EIF4G3: variants seen among roughly 807,000 people sequenced by gnomAD.
EIF4G3 encodes eukaryotic translation initiation factor 4 gamma 3.
EIF4G3 carries 34 observed loss-of-function variants against 186.4 expected under a neutral mutation model. That is an observed-to-expected ratio of 0.18 (90% CI 0.14 to 0.24). EIF4G3 has a LOEUF of 0.24. Ranked by LOEUF, EIF4G3 falls within the 10% of genes least tolerant of loss-of-function variation. EIF4G3 has a pLI of 1.00. For synonymous variants in EIF4G3, 673 were observed against 679.5 expected (o/e 0.99, Z 0.15); for missense variants, 1,536 against 1,948.5 (o/e 0.79, Z 3.99).
At chr1:20,943,121 T>A (rs1401677275) in intron 13 of EIF4G3, among the ~76,000 whole-genome samples, 1 of 152,020 alleles carries the variant, frequency 6.6e-6, no homozygotes, top group African/African-American at 2.4e-5. Context: ...TACGAATGCA[T>A]CACTGCACTC....
chr1:20,903,023 A>C (rs2090903397), intron 15 of EIF4G3, among the ~76,000 whole-genome samples: 1 of 152,256 alleles, frequency 6.6e-6, no homozygotes, highest in Non-Finnish European at 1.5e-5. Flanking sequence ...GTAACAAGCT[A>C]AAGAAGCTTT....
intron 11 of EIF4G3, 90 bp downstream of exon 11, chr1:20,972,912 G>T: frequency 4.0e-6 from 4 of 1,003,316 alleles, no homozygotes; most frequent in South Asian, 1.8e-5. Context: ...AGTAATTTGT[G>T]AATTGAGATG....
chr1:20,873,271 C>T (rs10737452), intron 20 of EIF4G3, among the ~76,000 whole-genome samples: 93,440 of 152,050 alleles, frequency 0.61, 29,219 homozygotes, highest in East Asian at 0.95. Flanking sequence ...ATTCTACTAT[C>T]AACAGGCATT....
intron 26 of EIF4G3, among the ~76,000 whole-genome samples, chr1:20,854,124 A>AT (rs1327135966): frequency 2.6e-5 from 4 of 151,922 alleles, no homozygotes; most frequent in Non-Finnish European, 5.9e-5. Context: ...TTAACATTAA[A>AT]TTTTTTTTCT....
At chr1:21,176,599 G>A (rs1452388368) in intron 1 of EIF4G3, 123 bp downstream of exon 1, 3 of 179,856 alleles carry the variant, frequency 1.7e-5, no homozygotes, top group Middle Eastern at 2.3e-3. Context: ...CGCCTCCGCC[G>A]CCGCCGCCGC....
intron 3 of EIF4G3, among the ~76,000 whole-genome samples, chr1:21,053,355 G>A (rs1475624807): frequency 7.4e-5 from 11 of 149,604 alleles, no homozygotes; most frequent in South Asian, 2.1e-4. Context: ...CAGCCACCCC[G>A]TCTGGGAGGG....
At chr1:20,809,505 A>G (rs2058805732) in intron 36 of EIF4G3, among the ~76,000 whole-genome samples, 1 of 152,250 alleles carries the variant, frequency 6.6e-6, no homozygotes, top group Non-Finnish European at 1.5e-5. Context: ...AATAAAAATC[A>G]TTAGTTAACA....
chr1:21,025,277 G>T (rs1329743965), intron 4 of EIF4G3, among the ~76,000 whole-genome samples: 1 of 152,124 alleles, frequency 6.6e-6, no homozygotes, highest in Non-Finnish European at 1.5e-5. Context: ...GGTAATCCTA[G>T]GAGATGTTGA....
intron 4 of EIF4G3, among the ~76,000 whole-genome samples, chr1:21,007,756 T>A (rs2085692919): frequency 6.6e-6 from 1 of 151,964 alleles, no homozygotes; most frequent in African/African-American, 2.4e-5. Flanking sequence ...AAACTATATA[T>A]ATGCACATAG....
At chr1:20,838,674 C>A (rs546231389) in intron 30 of EIF4G3, among the ~76,000 whole-genome samples, 1 of 152,168 alleles carries the variant, frequency 6.6e-6, no homozygotes, top group East Asian at 1.9e-4. Flanking sequence ...TAGCTTATTG[C>A]TGAAAGAAAA....
At chr1:20,908,477 T>C (rs903484939) in intron 14 of EIF4G3, among the ~76,000 whole-genome samples, 2 of 152,226 alleles carry the variant, frequency 1.3e-5, no homozygotes, top group African/African-American at 4.8e-5. Context: ...AGTTTACTGT[T>C]CCTACAGTTA....
intron 4 of EIF4G3, among the ~76,000 whole-genome samples, chr1:21,040,632 T>C (rs367558874): frequency 2.6e-5 from 4 of 152,214 alleles, no homozygotes; most frequent in African/African-American, 9.7e-5. Flanking sequence ...TCCTAGATTT[T>C]GGTTTTTGAC....
rs558658310 is a variant in EIF4G3 at position 21,009,783 on chromosome 1, T to C, written c.-66-6975A>G. On this transcript the variant is annotated intron_variant, in intron 4 of 36. Coordinates refer to ENST00000602326, the MANE Select transcript of EIF4G3 (RefSeq NM_001391906.1). ...GATTCTTCTGCCTCAGCCTCCCAAG[T>C]AGCTGGGACTACAGGTGCGTGCCAC... Among the ~76,000 whole-genome samples the C allele has an allele frequency of 2.0e-4, 30 of 152,198 alleles. 1 individual carries two copies. In the South Asian group the frequency reaches 5.6e-3, roughly 28 times the overall value.
intron 4 of EIF4G3, among the ~76,000 whole-genome samples, chr1:21,045,705 C>A (rs1246450570): frequency 6.6e-6 from 1 of 151,904 alleles, no homozygotes; most frequent in African/African-American, 2.4e-5. Context: ...TAAGTTAAAG[C>A]AAATGTGCAT....
At chr1:20,938,003 CT>C (rs200769290) in intron 14 of EIF4G3, among the ~76,000 whole-genome samples, 28 of 148,190 alleles carry the variant, frequency 1.9e-4, no homozygotes, top group African/African-American at 4.7e-4. Flanking sequence ...CTGATGCTTT[CT>C]TTTTTTTTTT....
intron 22 of EIF4G3, 26 bp downstream of exon 22, chr1:20,864,425 TGCAACTGACAAGGAGCCTTTGCGAA>T: frequency 7.5e-7 from 1 of 1,335,888 alleles, no homozygotes; most frequent in Non-Finnish European, 1.1e-6. Flanking sequence ...TAAGTTCTTT[TGCAACTGACAAGGAGCCTTTGCGAA>T]GGTTTCTGAG....
At chr1:21,156,862 C>G (rs941400295) in intron 2 of EIF4G3, among the ~76,000 whole-genome samples, 3 of 152,016 alleles carry the variant, frequency 2.0e-5, no homozygotes, top group African/African-American at 7.3e-5. Context: ...ATCGCTTGAG[C>G]CCAGGAGTTC....
chr1:21,137,261 A>C (rs1457560646), intron 2 of EIF4G3, among the ~76,000 whole-genome samples: 1 of 151,734 alleles, frequency 6.6e-6, no homozygotes, highest in African/African-American at 2.4e-5. Flanking sequence ...CTCCTGCCTC[A>C]GCCTGATGAC....
chr1:20,906,883 TC>T (rs1471397358), intron 14 of EIF4G3, among the ~76,000 whole-genome samples: 1 of 151,820 alleles, frequency 6.6e-6, no homozygotes, highest in African/African-American at 2.4e-5. Flanking sequence ...ATATCCCTTC[TC>T]CTACAATTAC....
Sources: allele counts gnomAD v4.1 joint callset (sites outside exome capture counted in the v4.1 genomes callset), GRCh38; gene constraint gnomAD v4.1.1; transcripts MANE v1.5; gene names NCBI Gene and HGNC (gene_info 2026-07-23, HGNC 2026-07-21).